PPP4R2: variants seen among roughly 807,000 people sequenced by gnomAD.
PPP4R2 encodes protein phosphatase 4 regulatory subunit 2.
A neutral mutation model predicts 47.2 loss-of-function variants in PPP4R2; 13 were observed. The ratio of observed to expected loss-of-function variants is 0.28; its 90% CI spans 0.18 to 0.44. The LOEUF (loss-of-function observed/expected upper bound fraction) is 0.44. Among genes scored for constraint, PPP4R2 ranks in the 20% least tolerant of loss-of-function variants. PPP4R2 has a pLI of 1.00. For synonymous variants in PPP4R2, 151 were observed against 163.3 expected (o/e 0.92, Z 0.57); for missense variants, 421 against 491.2 (o/e 0.86, Z 1.35).
intron 3 of PPP4R2, among the ~76,000 whole-genome samples, chr3:73,055,757 C>A (rs1400868940): frequency 1.3e-5 from 2 of 151,758 alleles, no homozygotes; most frequent in Non-Finnish European, 2.9e-5. Context: ...CAACCTCCAC[C>A]GCCCAGGTTC....
chr3:73,053,175 T>A (rs1702655308), intron 3 of PPP4R2, among the ~76,000 whole-genome samples: 1 of 152,208 alleles, frequency 6.6e-6, no homozygotes. Flanking sequence ...GTGTCAGTGT[T>A]TGTTGAGTAT....
At chr3:73,009,419 C>G (rs1294048032) in intron 2 of PPP4R2, among the ~76,000 whole-genome samples, 2 of 152,170 alleles carry the variant, frequency 1.3e-5, no homozygotes, top group African/African-American at 2.4e-5. Flanking sequence ...CTACTAAACT[C>G]TTTAAAGTCA....
At chr3:73,011,209 G>A (rs1343316514) in intron 2 of PPP4R2, among the ~76,000 whole-genome samples, 1 of 152,208 alleles carries the variant, frequency 6.6e-6, no homozygotes, top group Non-Finnish European at 1.5e-5. Flanking sequence ...GCCAGGTGCG[G>A]TGGCTCACGC....
intron 2 of PPP4R2, among the ~76,000 whole-genome samples, chr3:73,031,403 CAT>C (rs1338741991): frequency 6.6e-6 from 1 of 151,926 alleles, no homozygotes; most frequent in Non-Finnish European, 1.5e-5. Context: ...ATTAGCTGGA[CAT>C]GGTGGCATGC....
chr3:73,064,679 TCAAA>T (rs1388613439), intron 7 of PPP4R2, among the ~76,000 whole-genome samples, 169 bp from the exon 8 acceptor site: 1 of 152,228 alleles, frequency 6.6e-6, no homozygotes, highest in Non-Finnish European at 1.5e-5. Flanking sequence ...GAATTATTCA[TCAAA>T]CAGTTTAGTT....
At chr3:73,054,170 G>A (rs1454807721) in intron 3 of PPP4R2, among the ~76,000 whole-genome samples, 2 of 152,034 alleles carry the variant, frequency 1.3e-5, no homozygotes, top group Non-Finnish European at 1.5e-5. Flanking sequence ...CACCCGCCTC[G>A]GTCCCCCAAA....
chr3:73,012,742 C>T (rs1360600804), intron 2 of PPP4R2, among the ~76,000 whole-genome samples: 1 of 152,116 alleles, frequency 6.6e-6, no homozygotes, highest in African/African-American at 2.4e-5. Flanking sequence ...ATTAGGGATA[C>T]TGTTGTCTAT....
At chr3:73,029,900 A>G (rs796780032) in intron 2 of PPP4R2, among the ~76,000 whole-genome samples, 2 of 152,224 alleles carry the variant, frequency 1.3e-5, no homozygotes, top group African/African-American at 2.4e-5. Context: ...ATTTAAGAAA[A>G]TTGTCCACTA....
intron 2 of PPP4R2, among the ~76,000 whole-genome samples, chr3:73,028,462 CTTTT>C (rs1008863251): frequency 3.3e-5 from 5 of 151,912 alleles, no homozygotes; most frequent in Non-Finnish European, 4.4e-5. Context: ...AGGTAGAAGA[CTTTT>C]TTTGTTTTTG....
At chr3:73,062,030 G>T (rs1702870210) in intron 5 of PPP4R2, 1 of 1,316,934 alleles carries the variant, frequency 7.6e-7, no homozygotes, top group Admixed American at 2.9e-5. Context: ...TGAACGTGAG[G>T]TATTTTGGAA....
intron 2 of PPP4R2, among the ~76,000 whole-genome samples, chr3:73,020,843 G>A (rs1034013603): frequency 2.0e-5 from 3 of 152,050 alleles, no homozygotes; most frequent in East Asian, 1.9e-4. Flanking sequence ...GGCATAATTG[G>A]TGTGTCCTCA....
At chr3:73,023,537 T>C (rs960782256) in intron 2 of PPP4R2, among the ~76,000 whole-genome samples, 1 of 152,178 alleles carries the variant, frequency 6.6e-6, no homozygotes, top group African/African-American at 2.4e-5. Context: ...AATTTGGTAT[T>C]GAGATGAGGC....
chr3:73,044,544 C>CCA (rs1422948455), intron 2 of PPP4R2, among the ~76,000 whole-genome samples: 1 of 152,120 alleles, frequency 6.6e-6, no homozygotes, highest in Non-Finnish European at 1.5e-5. Flanking sequence ...CGAGGTTGCA[C>CCA]CACCACTCTC....
At chr3:73,000,630 A>G (rs904636098) in intron 2 of PPP4R2, among the ~76,000 whole-genome samples, 2 of 152,198 alleles carry the variant, frequency 1.3e-5, no homozygotes, top group African/African-American at 4.8e-5. Flanking sequence ...TAAACATCTG[A>G]TGTAGGAAGT....
At chr3:73,006,337 C>G (rs1273828350) in intron 2 of PPP4R2, among the ~76,000 whole-genome samples, 1 of 151,582 alleles carries the variant, frequency 6.6e-6, no homozygotes, top group Non-Finnish European at 1.5e-5. Context: ...TAGCTGGGGC[C>G]ACAGGCGCGC....
At chr3:73,059,248 A>G (rs1352791037) in intron 4 of PPP4R2, 118 bp downstream of exon 4, 11 of 562,272 alleles carry the variant, frequency 2.0e-5, no homozygotes, top group Non-Finnish European at 3.0e-6. Flanking sequence ...TTTTCAGCCT[A>G]CCTTGAGTTT....
chr3:73,025,584 A>G (rs1702048061), intron 2 of PPP4R2, among the ~76,000 whole-genome samples: 1 of 152,170 alleles, frequency 6.6e-6, no homozygotes, highest in African/African-American at 2.4e-5. Flanking sequence ...TAAAAAGTTT[A>G]TTTCTGACAA....
intron 2 of PPP4R2, among the ~76,000 whole-genome samples, chr3:73,016,450 G>T (rs780702390): frequency 6.6e-6 from 1 of 152,012 alleles, no homozygotes; most frequent in Non-Finnish European, 1.5e-5. Context: ...GAATTGTCTG[G>T]CCCCAAATGT....
intron 2 of PPP4R2, among the ~76,000 whole-genome samples, chr3:73,012,668 C>T (rs561990015): frequency 7.9e-5 from 12 of 152,194 alleles, no homozygotes; most frequent in African/African-American, 2.4e-4. Flanking sequence ...ATACAGAGGG[C>T]GCACTGTATT....
Sources: gnomAD v4.1 joint callset for allele counts (sites outside exome capture counted in the v4.1 genomes callset) on GRCh38, gnomAD v4.1.1 for gene constraint, MANE v1.5 for transcripts, NCBI Gene and HGNC (gene_info 2026-07-23, HGNC 2026-07-21) for gene names.